TAFA2: variants seen among roughly 807,000 people sequenced by gnomAD.
The protein encoded by TAFA2 is chemokine-like protein TAFA-2.
Under a neutral mutation model 18.8 loss-of-function variants are expected in TAFA2, and 7 were observed. The ratio of observed to expected loss-of-function variants is 0.37; its 90% CI spans 0.21 to 0.70. The LOEUF (loss-of-function observed/expected upper bound fraction) is 0.70. TAFA2 is among the 30% of genes least tolerant of loss of function. TAFA2 has a pLI of 0.53. For synonymous variants in TAFA2, 60 were observed against 54.2 expected, an observed-to-expected ratio of 1.11 and a Z score of -0.47; for missense variants, 122 against 158.1, an observed-to-expected ratio of 0.77 and a Z score of 1.23.
intron 1 of TAFA2, among the ~76,000 whole-genome samples, chr12:62,056,695 G>A (rs941621700): frequency 6.6e-6 from 1 of 152,194 alleles, no homozygotes; most frequent in South Asian, 2.1e-4. Context: ...GAATAAGCAA[G>A]TCCTTCCTCA....
intron 1 of TAFA2, among the ~76,000 whole-genome samples, chr12:62,115,038 A>AT (rs1413243691): frequency 6.6e-6 from 1 of 152,142 alleles, no homozygotes; most frequent in East Asian, 1.9e-4. Context: ...TCTAAAACCA[A>AT]TGCAATATCT....
At chr12:61,885,972 C>G (rs1875358691) in intron 1 of TAFA2, among the ~76,000 whole-genome samples, 2 of 152,122 alleles carry the variant, frequency 1.3e-5, no homozygotes, top group Non-Finnish European at 2.9e-5. Flanking sequence ...TATCTTCACT[C>G]CATCACAAGA....
intron 2 of TAFA2, among the ~76,000 whole-genome samples, chr12:61,770,760 C>T (rs1470233237): frequency 6.6e-6 from 1 of 151,990 alleles, no homozygotes; most frequent in Non-Finnish European, 1.5e-5. Context: ...CAAATATATC[C>T]TCAAAATACA....
At chr12:62,232,600 C>T (rs1277722235) in intron 1 of TAFA2, among the ~76,000 whole-genome samples, 1 of 151,986 alleles carries the variant, frequency 6.6e-6, no homozygotes, top group African/African-American at 2.4e-5. Context: ...TGCAACCTGT[C>T]CCCCAGGTTC....
chr12:61,871,830 T>C (rs893379514), intron 1 of TAFA2, among the ~76,000 whole-genome samples: 27 of 152,210 alleles, frequency 1.8e-4, no homozygotes, highest in African/African-American at 5.3e-4. Flanking sequence ...CGGTTGTTCA[T>C]GCCTGTAATC....
At chr12:62,224,951 G>A (rs879713528) in intron 1 of TAFA2, among the ~76,000 whole-genome samples, 5 of 152,024 alleles carry the variant, frequency 3.3e-5, no homozygotes, top group African/African-American at 4.8e-5. Flanking sequence ...GCATTAAAAA[G>A]GGCTTAGTTC....
intron 2 of TAFA2, among the ~76,000 whole-genome samples, chr12:61,757,388 A>G (rs1869321638): frequency 6.6e-6 from 1 of 152,178 alleles, no homozygotes; most frequent in South Asian, 2.1e-4. Context: ...GGCCTAGGAA[A>G]GAGGAATTTG....
At chr12:62,248,254 A>C (rs2062896411) in intron 1 of TAFA2, among the ~76,000 whole-genome samples, 1 of 152,176 alleles carries the variant, frequency 6.6e-6, no homozygotes, top group Admixed American at 6.5e-5. Flanking sequence ...CCTTAGTTTG[A>C]GCCACTCCAT....
chr12:62,135,487 A>G (rs1870858998), intron 1 of TAFA2, among the ~76,000 whole-genome samples: 1 of 152,130 alleles, frequency 6.6e-6, no homozygotes, highest in South Asian at 2.1e-4. Context: ...ACAAGGTTAT[A>G]GGGCCAGCAG....
chr12:62,154,200 T>G (rs1368289616), intron 1 of TAFA2, among the ~76,000 whole-genome samples: 1 of 152,154 alleles, frequency 6.6e-6, no homozygotes. Flanking sequence ...GATTTAAGGC[T>G]GCCAAGGTCA....
intron 1 of TAFA2, among the ~76,000 whole-genome samples, chr12:62,197,787 C>A (rs1016344236): frequency 6.6e-6 from 1 of 152,164 alleles, no homozygotes; most frequent in African/African-American, 2.4e-5. Flanking sequence ...ATAGGTCATT[C>A]TTTTTTACTT....
intron 1 of TAFA2, among the ~76,000 whole-genome samples, chr12:62,221,216 G>GGGAAGGAGGGAAGGAAGGAA (rs1565782383): frequency 1.3e-5 from 1 of 78,856 alleles, no homozygotes; most frequent in Non-Finnish European, 2.5e-5. Context: ...GAAGGAAGGG[G>GGGAAGGAGGGAAGGAAGGAA]GGAAGGAAGG....
chr12:62,259,618 G>C (rs1236704679), upstream of TAFA2: 2 of 152,234 alleles, frequency 1.3e-5, no homozygotes, highest in African/African-American at 2.4e-5. Flanking sequence ...ATGGGGCTAA[G>C]AAAATGTTAC....
rs574364560 is a variant in TAFA2 at position 61,998,866 on chromosome 12, C to A, written c.-1-131440G>T. Among the ~76,000 whole-genome samples the A allele has an allele frequency of 3.9e-5, 6 of 152,358 alleles. No homozygotes were observed. In the East Asian group the frequency reaches 9.6e-4, roughly 25 times the overall value. On this transcript the variant is annotated intron_variant, in intron 1 of 4. Coordinates refer to ENST00000416284, the MANE Select transcript of TAFA2 (RefSeq NM_178539.5). ...ACTGCAGGGAAGGCACAAGTAACAT[C>A]TGATCCTGCCAAACAGCTCACCTAG...
intron 1 of TAFA2, among the ~76,000 whole-genome samples, chr12:62,214,197 A>G (rs1034099544): frequency 1.3e-5 from 2 of 152,120 alleles, no homozygotes; most frequent in Admixed American, 1.3e-4. Context: ...TAACCCCAAT[A>G]TGGTTTGGCT....
intron 1 of TAFA2, among the ~76,000 whole-genome samples, chr12:62,030,748 G>C (rs929538784): frequency 5.9e-5 from 9 of 152,116 alleles, no homozygotes; most frequent in Non-Finnish European, 1.0e-4. Flanking sequence ...AATGGAACAT[G>C]ATGGGGTGGG....
chr12:61,832,044 C>T (rs74657059), intron 2 of TAFA2, among the ~76,000 whole-genome samples: 5,748 of 152,046 alleles, frequency 0.038, 362 homozygotes, highest in African/African-American at 0.13. Flanking sequence ...AAGATGGTAG[C>T]AATGAAATCT....
intron 1 of TAFA2, among the ~76,000 whole-genome samples, chr12:62,245,683 A>G (rs2062881840): frequency 6.8e-6 from 1 of 147,614 alleles, no homozygotes; most frequent in African/African-American, 2.4e-5. Context: ...TTATAAATAT[A>G]TAAAAATGTA....
chr12:62,113,823 A>G (rs112468830), intron 1 of TAFA2, among the ~76,000 whole-genome samples: 18 of 152,290 alleles, frequency 1.2e-4, no homozygotes, highest in African/African-American at 4.1e-4. Flanking sequence ...AAGCCTCAGT[A>G]GTGCTGACCG....
Sources: gnomAD v4.1 joint callset for allele counts (sites outside exome capture counted in the v4.1 genomes callset) on GRCh38, gnomAD v4.1.1 for gene constraint, MANE v1.5 for transcripts, NCBI Gene and HGNC (gene_info 2026-07-23, HGNC 2026-07-21) for gene names.